Variants in MCF2L2 observed in about 807,000 individuals in gnomAD.
MCF2L2 encodes the protein MCF.2 cell line derived transforming sequence-like 2.
A neutral mutation model predicts 150.2 loss-of-function variants in MCF2L2; 102 were observed. The observed-to-expected ratio is 0.68, with a 90% CI of 0.58 to 0.80. MCF2L2 has a LOEUF of 0.80. Among genes scored for constraint, MCF2L2 ranks in the 30% least tolerant of loss-of-function variants. The probability of loss-of-function intolerance (pLI) is 0.00; values close to 1 mark genes in which losing one functional copy is unlikely to be tolerated. For synonymous variants in MCF2L2, 465 were observed against 491.3 expected, an observed-to-expected ratio of 0.95 and a Z score of 0.71; for missense variants, 1,256 against 1,372.8, an observed-to-expected ratio of 0.91 and a Z score of 1.34.
intron 15 of MCF2L2, among the ~76,000 whole-genome samples, chr3:183,234,887 C>T (rs9840368): frequency 0.02 from 2,253 of 113,070 alleles, 65 homozygotes; most frequent in African/African-American, 0.077. Context: ...GTGATATTCC[C>T]CTTCCTGTGT....
chr3:183,298,506 T>C (rs546490969), intron 11 of MCF2L2: 1 of 152,138 alleles, frequency 6.6e-6, no homozygotes, highest in Non-Finnish European at 1.5e-5. Context: ...ATAAAGATAT[T>C]TCAGAATTAA....
chr3:183,318,086 C>T lies in MCF2L2; in HGVS notation c.735G>A (p.Arg245=). Residue 245 remains arginine (R), a synonymous_variant, in exon 7 of 30, where the codon AGG becomes AGA. Coordinates refer to ENST00000328913, the MANE Select transcript of MCF2L2 (RefSeq NM_015078.4). ...CGCTCACCTGCAGCTTGTCCCGCTG[C>T]CTTGTGTGGGACATGAGAAGGTCTT... ...STEDLLMSHT[R]QRDKLQDELK... is the part of the protein sequence containing the mutation. The T allele has an allele frequency of 6.2e-7, 1 of 1,613,990 alleles. No individual in the cohort carries two copies. The highest frequency in any genetic ancestry group is 8.5e-7 in the Non-Finnish European group (1 of 1,179,954).
chr3:183,281,362 CTTTTTTTTTTT>C (rs773642295), intron 14 of MCF2L2, among the ~76,000 whole-genome samples: 1 of 121,756 alleles, frequency 8.2e-6, no homozygotes, highest in Non-Finnish European at 1.8e-5. Flanking sequence ...GGAACCTCAC[CTTTTTTTTTTT>C]TTTTTTTTTG....
chr3:183,206,971 AAGGGAGGG>A (rs796822181), intron 23 of MCF2L2, among the ~76,000 whole-genome samples: 193 of 18,366 alleles, frequency 0.011, 4 homozygotes, highest in African/African-American at 0.025. Flanking sequence ...GGAAGGAAGG[AAGGGAGGG>A]AGGGAGGGAG....
At chr3:183,359,747 TA>T (rs1416836492) in intron 3 of MCF2L2, among the ~76,000 whole-genome samples, 1 of 152,152 alleles carries the variant, frequency 6.6e-6, no homozygotes, top group East Asian at 1.9e-4. Context: ...AAGGGTGCCA[TA>T]TAGGCTGTTG....
chr3:183,269,230 CTTTTTT>C (rs60835895), intron 15 of MCF2L2, among the ~76,000 whole-genome samples: 2 of 81,030 alleles, frequency 2.5e-5, no homozygotes, highest in African/African-American at 1.3e-4. Flanking sequence ...GTTTGGGAAG[CTTTTTT>C]TTTTTTTTTT....
At chr3:183,195,926 C>T (rs1448991677) in intron 25 of MCF2L2, among the ~76,000 whole-genome samples, 1 of 152,216 alleles carries the variant, frequency 6.6e-6, no homozygotes, top group East Asian at 1.9e-4. Flanking sequence ...TGCCCAGTTG[C>T]TAGGATGGGA....
At chr3:183,319,485 T>G (rs1212356967) in intron 6 of MCF2L2, among the ~76,000 whole-genome samples, 3 of 152,240 alleles carry the variant, frequency 2.0e-5, no homozygotes, top group African/African-American at 7.2e-5. Context: ...TCCAGAATGA[T>G]GAATCCTTTC....
chr3:183,259,119 A>C (rs1386532351), intron 15 of MCF2L2, among the ~76,000 whole-genome samples: 2 of 152,202 alleles, frequency 1.3e-5, no homozygotes, highest in Non-Finnish European at 2.9e-5. Flanking sequence ...ATGGGTTTCT[A>C]ATAACAGATT....
chr3:183,394,029 CTAAA>C (rs1714311124), intron 1 of MCF2L2, among the ~76,000 whole-genome samples: 1 of 152,162 alleles, frequency 6.6e-6, no homozygotes. Context: ...AGAAAAAGAA[CTAAA>C]TAAATAAATA....
intron 5 of MCF2L2, among the ~76,000 whole-genome samples, chr3:183,325,348 C>G (rs1446277696): frequency 3.9e-5 from 6 of 152,116 alleles, no homozygotes; most frequent in Non-Finnish European, 8.8e-5. Flanking sequence ...GAGACTCAGG[C>G]TCTGTGGGAT....
intron 1 of MCF2L2, among the ~76,000 whole-genome samples, chr3:183,400,157 C>T (rs1714664085): frequency 6.6e-6 from 1 of 152,138 alleles, no homozygotes; most frequent in African/African-American, 2.4e-5. Flanking sequence ...AAATGACCAT[C>T]TACAATATTG....
At chr3:183,295,519 T>A (rs775153013) in intron 12 of MCF2L2, 42 bp from the exon 13 acceptor site, 22 of 1,592,958 alleles carry the variant, frequency 1.4e-5, no homozygotes, top group African/African-American at 2.7e-5. Context: ...GGTCTCTCTG[T>A]ATACAGCCTG....
chr3:183,330,293 A>G (rs1277670124), intron 5 of MCF2L2, among the ~76,000 whole-genome samples: 1 of 151,772 alleles, frequency 6.6e-6, no homozygotes, highest in Non-Finnish European at 1.5e-5. Context: ...GGAAAAGGAA[A>G]AGGAAAGGAA....
intron 3 of MCF2L2, among the ~76,000 whole-genome samples, chr3:183,366,695 G>C (rs772902982): frequency 5.3e-5 from 8 of 152,124 alleles, no homozygotes; most frequent in African/African-American, 9.7e-5. Flanking sequence ...TAAAATAATT[G>C]TTAAGTGTTT....
In MCF2L2 at chr3:183,379,382, T is replaced by G. The variant is rs1311324397; in HGVS notation, c.190A>C (p.Ile64Leu). ...AACCCCGAAAACTCTGGGAACGTGA[T>G]GATGGGGGCGCCATCCTCCCCTCGG... Reference protein sequence around the residue: ...GGRGEDGAPIITFPEFSGFKH... With the variant: ...GGRGEDGAPILTFPEFSGFKH... The change falls in exon 3 of 30, where the codon ATC (isoleucine) becomes CTC (leucine). Residue 64 changes from isoleucine to leucine, a missense_variant. By Grantham distance (5) the Ile-to-Leu change is conservative. Coordinates refer to ENST00000328913, the MANE Select transcript of MCF2L2 (RefSeq NM_015078.4). 6.2e-7 allele frequency: 1 copy of G among 1,610,776 alleles called. No individual in the cohort carries two copies. The highest frequency in any genetic ancestry group is 8.5e-7 in the Non-Finnish European group (1 of 1,178,674).
chr3:183,232,402 T>C (rs1723600175), intron 15 of MCF2L2, among the ~76,000 whole-genome samples: 1 of 152,206 alleles, frequency 6.6e-6, no homozygotes, highest in Non-Finnish European at 1.5e-5. Flanking sequence ...TCAGTTTTTA[T>C]ATAGCAATAG....
chr3:183,221,953 A>T (rs80242187), intron 20 of MCF2L2, among the ~76,000 whole-genome samples: 1 of 152,250 alleles, frequency 6.6e-6, no homozygotes, highest in East Asian at 1.9e-4. Context: ...GCAAGGTCTC[A>T]TAACTGACAA....
intron 10 of MCF2L2, among the ~76,000 whole-genome samples, chr3:183,306,807 G>C (rs1436592028): frequency 6.6e-6 from 1 of 152,204 alleles, no homozygotes; most frequent in Non-Finnish European, 1.5e-5. Context: ...TTAATGGCCT[G>C]GGTTCCATGC....
Sources: allele counts gnomAD v4.1 joint callset (sites outside exome capture counted in the v4.1 genomes callset), GRCh38; gene constraint gnomAD v4.1.1; transcripts MANE v1.5; gene names NCBI Gene and HGNC (gene_info 2026-07-23, HGNC 2026-07-21).